Variants in SV2B observed in about 807,000 individuals in gnomAD.
SV2B encodes the protein solute carrier family 22 member B2.
Under a neutral mutation model 73.9 loss-of-function variants are expected in SV2B, and 41 were observed. That is an observed-to-expected ratio of 0.56 (90% CI 0.43 to 0.72). The LOEUF is 0.72. SV2B is among the 30% of genes least tolerant of loss of function. The probability of loss-of-function intolerance (pLI) is 0.00; values close to 1 mark genes in which losing one functional copy is unlikely to be tolerated. For missense variants in SV2B, 764 were observed against 857.8 expected (o/e 0.89, Z 1.37); for synonymous variants, 314 against 314.2 (o/e 1.00, Z 0.01).
intron 1 of SV2B, among the ~76,000 whole-genome samples, chr15:91,184,123 T>C (rs1395367609): frequency 5.3e-5 from 8 of 152,202 alleles, no homozygotes; most frequent in Non-Finnish European, 1.2e-4. Context: ...ACATTTCTTA[T>C]TCATCTCTGT....
chr15:91,125,521 A>C (rs894745897), intron 1 of SV2B, among the ~76,000 whole-genome samples: 6 of 152,090 alleles, frequency 3.9e-5, no homozygotes, highest in South Asian at 2.1e-4. Flanking sequence ...CCTGTAATCC[A>C]AGCACTTTGG....
Position 91,149,770 on chromosome 15 carries a change from A to G in SV2B, c.-392+49407A>G, listed in dbSNP as rs145827409. Among the ~76,000 whole-genome samples, 10 of 152,348 alleles carry G rather than the reference A, an allele frequency of 6.6e-5. 1 individual carries two copies. The highest frequency in any genetic ancestry group is 2.2e-4 in the African/African-American group (9 of 41,590). ...AAGTCATCCAGCTTCAAACATCAGC[A>G]TAGAACCCAGGGAAGCCTGACAATA... On this transcript the variant is annotated intron_variant, in intron 1 of 12. Transcript: ENST00000394232.
chr15:91,201,321 C>G (rs1458916397), intron 1 of SV2B, among the ~76,000 whole-genome samples: 1 of 152,194 alleles, frequency 6.6e-6, no homozygotes, highest in East Asian at 1.9e-4. Context: ...AGCCACTGTT[C>G]TAGATACTTT....
intron 2 of SV2B, among the ~76,000 whole-genome samples, chr15:91,235,144 T>C (rs958118940): frequency 4.6e-5 from 7 of 152,174 alleles, no homozygotes; most frequent in Non-Finnish European, 7.3e-5. Context: ...TAGAATGTTA[T>C]TGGAGAAAGA....
At position 91,130,238 on chromosome 15, in the gene SV2B, T is replaced by C. The variant is rs1056729024; in HGVS notation, c.-392+29875T>C. The stretch of plus-strand genomic sequence containing the variant: ...AGTGACACAGCTGAGGTTCTTAGGT[T>C]AGGGCAACTGGGAGAGAGGATGGGA... On this transcript the variant is annotated intron_variant, in intron 1 of 12. Transcript: ENST00000394232. This position sits in a 1 kb window ranked among gnomAD's most constrained non-coding sequence, Gnocchi z 5.6. Among the ~76,000 whole-genome samples the C allele has an allele frequency of 1.3e-5, 2 of 152,092 alleles. No individual in the cohort carries two copies. The highest frequency in any genetic ancestry group is 4.8e-5 in the African/African-American group (2 of 41,422).
intron 2 of SV2B, among the ~76,000 whole-genome samples, chr15:91,247,667 A>C (rs1567388894): frequency 1.3e-5 from 2 of 152,214 alleles, no homozygotes; most frequent in South Asian, 4.1e-4. Flanking sequence ...AATTGGATGC[A>C]GCTGCTATCT....
chr15:91,144,901 T>G (rs1341252903), intron 1 of SV2B, among the ~76,000 whole-genome samples: 1 of 152,190 alleles, frequency 6.6e-6, no homozygotes, highest in East Asian at 1.9e-4. Context: ...GAACTGTTTT[T>G]TTTTTTTTTT....
chr15:91,104,989 C>G (rs184751734), intron 1 of SV2B, among the ~76,000 whole-genome samples: 1 of 152,166 alleles, frequency 6.6e-6, no homozygotes, highest in African/African-American at 2.4e-5. Context: ...GGACTCTGCT[C>G]GAATGGGCAG....
At chr15:91,177,816 T>C (rs1470280009) in intron 1 of SV2B, among the ~76,000 whole-genome samples, 1 of 138,700 alleles carries the variant, frequency 7.2e-6, no homozygotes, top group Admixed American at 6.9e-5. Context: ...GTTTTCTAGA[T>C]ATACAATCAT....
intron 1 of SV2B, among the ~76,000 whole-genome samples, chr15:91,208,013 T>C (rs930368574): frequency 6.6e-6 from 1 of 152,176 alleles, no homozygotes; most frequent in Non-Finnish European, 1.5e-5. Flanking sequence ...TGTGGCCCAC[T>C]TCAGGGGAGA....
In SV2B at chr15:91,231,571, C is replaced by T. The variant is rs1437781190; in HGVS notation, c.451+4857C>T. The stretch of plus-strand genomic sequence containing the variant: ...CTATAGGATGACAATATTGGCGACA[C>T]GTAAGGCAAACCAACCCCATCCTTT... On this transcript the variant is annotated intron_variant, in intron 2 of 12. Transcript: ENST00000394232. This position sits in a 1 kb window ranked among gnomAD's most constrained non-coding sequence, Gnocchi z 4.5. 2.6e-5 allele frequency among the ~76,000 whole-genome samples: 4 copies of T among 152,042 alleles called. No homozygotes were observed. The highest frequency in any genetic ancestry group is 7.2e-5 in the African/African-American group (3 of 41,420).
intron 6 of SV2B, among the ~76,000 whole-genome samples, chr15:91,263,147 C>G (rs1000013619): frequency 6.6e-6 from 1 of 151,996 alleles, no homozygotes; most frequent in African/African-American, 2.4e-5. Flanking sequence ...CACAGGGACA[C>G]ACGGACACAC....
intron 1 of SV2B, among the ~76,000 whole-genome samples, chr15:91,114,102 C>T (rs573807094): frequency 2.3e-4 from 33 of 144,276 alleles, no homozygotes; most frequent in East Asian, 1.4e-3. Flanking sequence ...GAGAATGGTG[C>T]GAACCCAGGA....
At position 91,284,356 on chromosome 15, in the gene SV2B, G is replaced by T; in HGVS notation, c.1708+135G>T. ...ACCCAACAAGTAAGATTGCACCCAG[G>T]GCTATAGAGCCAAGGATGTGTGCCT... On this transcript the variant is annotated intron_variant, in intron 11 of 12. Transcript: ENST00000394232. The surrounding 1 kb of genome is among the most constrained non-coding windows in gnomAD (Gnocchi z 4.5). 4 of 964,962 alleles carry T rather than the reference G, an allele frequency of 4.1e-6. No homozygotes were observed. Among genetic ancestry groups the T allele is most frequent in the Non-Finnish European group, 6.1e-6 (4 of 657,962 alleles). The allele number at this position is 964,962 out of a possible 1,614,324, so 59.8% of individuals were successfully genotyped here. A position where few individuals can be genotyped will look rare whatever the true frequency, so the allele number is the denominator to read the frequency against.
chr15:91,118,788 G>A lies in SV2B; in HGVS notation c.-392+18425G>A, dbSNP rs1042447824. 1.2e-4 allele frequency among the ~76,000 whole-genome samples: 18 copies of A among 152,234 alleles called. No individual in the cohort carries two copies. Among genetic ancestry groups the A allele is most frequent in the Non-Finnish European group, 1.5e-5 (1 of 68,042 alleles). ...TGTCATCATCATCATAATAGCTCTT[G>A]CTGTGATTACGCTTCACTCATTCTT... On this transcript the variant is annotated intron_variant, in intron 1 of 12. Coordinates refer to ENST00000394232, the MANE Select transcript of SV2B (RefSeq NM_001323032.3). This position sits in a 1 kb window ranked among gnomAD's most constrained non-coding sequence, Gnocchi z 4.7.
Position 91,132,662 on chromosome 15 carries a change from C to T in SV2B, c.-392+32299C>T, listed in dbSNP as rs1461744741. Among the ~76,000 whole-genome samples, 1 of 152,062 alleles carries T rather than the reference C, an allele frequency of 6.6e-6. No homozygotes were observed. The highest frequency in any genetic ancestry group is 1.9e-4 in the East Asian group (1 of 5,186). On this transcript the variant is annotated intron_variant, in intron 1 of 12. Coordinates refer to ENST00000394232, the MANE Select transcript of SV2B (RefSeq NM_001323032.3). This position sits in a 1 kb window ranked among gnomAD's most constrained non-coding sequence, Gnocchi z 4.6. ...TTAGTTCTAGGAAGTCGGTATGAAA[C>T]ATTTAGGTTTTTTGCCTCCAGACCC...
intron 1 of SV2B, among the ~76,000 whole-genome samples, chr15:91,176,742 G>GT (rs1418044582): frequency 6.6e-5 from 10 of 151,296 alleles, no homozygotes; most frequent in East Asian, 1.9e-4. Flanking sequence ...GGGGTTGTTT[G>GT]TTTTTTTCTT....
In SV2B at chr15:91,232,546, G is replaced by A. The variant is rs573952130; in HGVS notation, c.451+5832G>A. Among the ~76,000 whole-genome samples the A allele has an allele frequency of 1.8e-4, 27 of 152,246 alleles. No homozygotes were observed. The highest frequency in any genetic ancestry group is 6.0e-4 in the African/African-American group (25 of 41,542). The stretch of plus-strand genomic sequence containing the variant: ...TTTAGGATGATCACTCTGCCCCAGT[G>A]ATTTTGGTACTGAGAGTGCTTCTAG... On this transcript the variant is annotated intron_variant, in intron 2 of 12. Coordinates refer to ENST00000394232, the MANE Select transcript of SV2B (RefSeq NM_001323032.3). The surrounding 1 kb of genome is among the most constrained non-coding windows in gnomAD (Gnocchi z 4.7).
rs908105394 is a variant in SV2B at position 91,129,670 on chromosome 15, G to A, written c.-392+29307G>A. Among the ~76,000 whole-genome samples, 1 of 152,188 alleles carries A rather than the reference G, an allele frequency of 6.6e-6. No individual in the cohort carries two copies. Among genetic ancestry groups the A allele is most frequent in the African/African-American group, 2.4e-5 (1 of 41,450 alleles). Reference sequence around the variant, plus strand: ...CAGTGGTAGGTATGAGGGAGCCAGCGGAGGCTTCTTTGGAGGCGATCTGTT... The same window carrying A: ...CAGTGGTAGGTATGAGGGAGCCAGCAGAGGCTTCTTTGGAGGCGATCTGTT... On this transcript the variant is annotated intron_variant, in intron 1 of 12. Transcript: ENST00000394232. This position sits in a 1 kb window ranked among gnomAD's most constrained non-coding sequence, Gnocchi z 5.1.
Sources: gnomAD v4.1 joint callset for allele counts (sites outside exome capture counted in the v4.1 genomes callset) on GRCh38, gnomAD v4.1.1 for gene constraint, Gnocchi (gnomAD v3.1) non-coding constraint, MANE v1.5 for transcripts, NCBI Gene and HGNC (gene_info 2026-07-23, HGNC 2026-07-21) for gene names.